LDLRAD4: variants seen among roughly 807,000 people sequenced by gnomAD.
LDLRAD4 encodes the protein low-density lipoprotein receptor class A domain-containing protein 4.
Under a neutral mutation model 17.0 loss-of-function variants are expected in LDLRAD4, and 5 were observed. The ratio of observed to expected loss-of-function variants is 0.29; its 90% CI spans 0.15 to 0.62. The LOEUF (loss-of-function observed/expected upper bound fraction) is 0.62. LDLRAD4 is among the 20% of genes least tolerant of loss of function. The pLI is 0.84. For missense variants in LDLRAD4, 340 were observed against 424.7 expected, an observed-to-expected ratio of 0.80 and a Z score of 1.75; for synonymous variants, 168 against 171.8, an observed-to-expected ratio of 0.98 and a Z score of 0.17.
chr18:13,485,582 T>TGGGCCCGGG lies in LDLRAD4; in HGVS notation c.181+47199_181+47200insGGCCCGGGG, dbSNP rs2093203463. ...TGAACCCACTTGTAGAACAGAGATG[T>TGGGCCCGGG]GCCCTGCTGGGCCCGGGGCGTGGCC... On this transcript the variant is annotated intron_variant, in intron 3 of 5. Transcript: ENST00000359446. Among the ~76,000 whole-genome samples the TGGGCCCGGG allele has an allele frequency of 2.0e-5, 3 of 152,380 alleles. No homozygotes were observed. In the South Asian group the frequency reaches 6.2e-4, roughly 32 times the overall value.
intron 1 of LDLRAD4, among the ~76,000 whole-genome samples, chr18:13,305,245 C>CAT (rs1188525384): frequency 1.3e-5 from 2 of 152,146 alleles, no homozygotes; most frequent in African/African-American, 4.8e-5. Context: ...CACACACTTA[C>CAT]ATATATACAT....
intron 1 of LDLRAD4, among the ~76,000 whole-genome samples, chr18:13,328,331 T>C (rs1045966667): frequency 1.3e-5 from 2 of 152,360 alleles, no homozygotes; most frequent in East Asian, 3.9e-4. Context: ...TCAGTGTGCA[T>C]GTGCCTGTTT....
intron 2 of LDLRAD4, among the ~76,000 whole-genome samples, chr18:13,392,534 G>GGCCTC (rs759465351): frequency 7.9e-5 from 12 of 152,112 alleles, no homozygotes; most frequent in Non-Finnish European, 1.2e-4. Context: ...TGGGTCCGCC[G>GGCCTC]GCCTCTGTCC....
chr18:13,452,999 A>G (rs897033), intron 3 of LDLRAD4, among the ~76,000 whole-genome samples: 105,504 of 151,832 alleles, frequency 0.69, 38,277 homozygotes, highest in Admixed American at 0.8. Flanking sequence ...AGGGAGAGAA[A>G]GGGCACAGAG....
intron 3 of LDLRAD4, among the ~76,000 whole-genome samples, chr18:13,559,574 CAA>C (rs950918084): frequency 6.6e-6 from 1 of 152,048 alleles, no homozygotes; most frequent in Non-Finnish European, 1.5e-5. Context: ...ATATATATGA[CAA>C]ATAGCTTACA....
chr18:13,563,700 C>T lies in LDLRAD4; in HGVS notation c.182-57417C>T, dbSNP rs114343123. On this transcript the variant is annotated intron_variant, in intron 3 of 5. Transcript: ENST00000359446. ...GATAAACGGGAGGCTCCGTCCTTCT[C>T]ATACATCAATAAACACTTAAGTGCC... 1.8e-3 allele frequency among the ~76,000 whole-genome samples: 276 copies of T among 152,234 alleles called. 1 individual carries two copies. The highest frequency in any genetic ancestry group is 6.5e-3 in the African/African-American group (269 of 41,538).
rs547928516 is a variant in LDLRAD4, at chr18:13,378,747, T to C, written c.-382-8594T>C. Among the ~76,000 whole-genome samples, 39 of 152,334 alleles carry C rather than the reference T, an allele frequency of 2.6e-4. 1 individual carries two copies. In the South Asian group the frequency reaches 7.9e-3, roughly 31 times the overall value. On this transcript the variant is annotated intron_variant, in intron 1 of 5. Transcript: ENST00000359446. Reference sequence around the variant, plus strand: ...ACCTCACCCACACACTTTCTCTAATTTTGTATCCTTTCTCCTGTTTCTCTC... The same window carrying C: ...ACCTCACCCACACACTTTCTCTAATCTTGTATCCTTTCTCCTGTTTCTCTC...
chr18:13,595,487 C>T (rs1018028190), intron 3 of LDLRAD4, among the ~76,000 whole-genome samples: 1 of 151,808 alleles, frequency 6.6e-6, no homozygotes, highest in Non-Finnish European at 1.5e-5. Flanking sequence ...CATCTTTGAC[C>T]CATGGGTTGT....
chr18:13,336,227 G>A (rs1432593616), intron 1 of LDLRAD4, among the ~76,000 whole-genome samples: 1 of 152,140 alleles, frequency 6.6e-6, no homozygotes, highest in African/African-American at 2.4e-5. Context: ...CATGAGGCTC[G>A]GAGGGGTTAA....
At chr18:13,359,410 C>T (rs909123104) in intron 1 of LDLRAD4, among the ~76,000 whole-genome samples, 3 of 152,032 alleles carry the variant, frequency 2.0e-5, no homozygotes, top group Non-Finnish European at 2.9e-5. Context: ...AACCTCAAGC[C>T]GTGGTCAGAA....
chr18:13,460,186 A>C (rs1327025023), intron 3 of LDLRAD4, among the ~76,000 whole-genome samples: 1 of 152,044 alleles, frequency 6.6e-6, no homozygotes, highest in African/African-American at 2.4e-5. Flanking sequence ...TCCTAAATTC[A>C]TAGCTTTTAT....
intron 3 of LDLRAD4, among the ~76,000 whole-genome samples, chr18:13,619,522 G>C (rs2040408652): frequency 6.8e-6 from 1 of 146,322 alleles, no homozygotes; most frequent in African/African-American, 2.5e-5. Flanking sequence ...GGCCGGGGGG[G>C]GGCGGGGGTG....
chr18:13,226,579 T>C (rs1243110847), intron 1 of LDLRAD4, among the ~76,000 whole-genome samples: 1 of 152,138 alleles, frequency 6.6e-6, no homozygotes. Flanking sequence ...TTTGAAAATC[T>C]GACTTTGTGT....
chr18:13,363,598 C>T (rs1199088265), intron 1 of LDLRAD4, among the ~76,000 whole-genome samples: 1 of 152,138 alleles, frequency 6.6e-6, no homozygotes. Flanking sequence ...TTAACTATCA[C>T]ATTGTCTTTG....
At chr18:13,232,575 C>T (rs549218219) in intron 1 of LDLRAD4, among the ~76,000 whole-genome samples, 6 of 152,094 alleles carry the variant, frequency 3.9e-5, no homozygotes, top group Admixed American at 6.5e-5. Context: ...GCTGCTGCCC[C>T]GTGCTGTGCT....
At chr18:13,484,027 CTCCA>C (rs2146990385) in intron 3 of LDLRAD4, 1 of 152,450 alleles carries the variant, frequency 6.6e-6, no homozygotes, top group East Asian at 1.9e-4. Flanking sequence ...TTCTCTTTCC[CTCCA>C]TCCAGGGAAG....
chr18:13,260,048 G>A (rs1251409934), intron 1 of LDLRAD4, among the ~76,000 whole-genome samples: 2 of 152,244 alleles, frequency 1.3e-5, no homozygotes, highest in Admixed American at 6.5e-5. Context: ...GGGAGGCATT[G>A]GGTGGAATAT....
At chr18:13,464,342 CTG>C (rs747082349) in intron 3 of LDLRAD4, among the ~76,000 whole-genome samples, 1 of 152,218 alleles carries the variant, frequency 6.6e-6, no homozygotes, top group Non-Finnish European at 1.5e-5. Flanking sequence ...TTGCTTTAAA[CTG>C]TGTTGTGAGC....
chr18:13,446,599 C>T (rs1041960051), intron 3 of LDLRAD4, among the ~76,000 whole-genome samples: 1 of 152,196 alleles, frequency 6.6e-6, no homozygotes, highest in African/African-American at 2.4e-5. Flanking sequence ...TCGATTGTGT[C>T]CTGTCCAGGT....
Sources: allele counts gnomAD v4.1 joint callset (sites outside exome capture counted in the v4.1 genomes callset), GRCh38; gene constraint gnomAD v4.1.1; transcripts MANE v1.5; gene names NCBI Gene and HGNC (gene_info 2026-07-23, HGNC 2026-07-21).